Variants in ARRDC5 observed in about 807,000 individuals in gnomAD.
ARRDC5 encodes arrestin domain containing 5.
A neutral mutation model predicts 13.3 loss-of-function variants in ARRDC5; 12 were observed. That is an observed-to-expected ratio of 0.90 (90% CI 0.58 to 1.46). The LOEUF is 1.46. Ranked by LOEUF, ARRDC5 falls within the 40% of genes most tolerant of loss-of-function variation. ARRDC5 has a pLI of 0.00. For missense variants in ARRDC5, 406 were observed against 418.7 expected (o/e 0.97, Z 0.26); for synonymous variants, 181 against 173.4 (o/e 1.04, Z -0.34).
the ARRDC5 span, chr19:4,911,082 C>T: frequency 4.1e-6 from 6 of 1,465,570 alleles, no homozygotes; most frequent in Middle Eastern, 5.0e-4. Flanking sequence ...TGGTCCAGGC[C>T]TCGCGCCTCT....
Position 4,902,603 on chromosome 19 carries a change from C to G in ARRDC5, c.223G>C (p.Val75Leu). Residue 75 changes from valine (V) to leucine (L), a missense_variant, in exon 1 of 3, where the codon GTG becomes CTG. Val to Leu is a conservative substitution (Grantham distance 32). Coordinates refer to ENST00000650722, the MANE Select transcript of ARRDC5 (RefSeq NM_001080523.3). ...NVICNNKADY[V>L]HKTKTFPVED... ...ACTGGGAATGTCTTTGTCTTATGCA[C>G]GTAGTCTGCCTTGTTGTTGCAAATA... is the stretch of plus-strand genomic sequence containing the variant. 1 of 1,613,990 alleles carries G rather than the reference C, an allele frequency of 6.2e-7. No individual in the cohort carries two copies. The highest frequency in any genetic ancestry group is 2.2e-5 in the East Asian group (1 of 44,880).
rs375697054 is a variant in ARRDC5 at position 4,902,640 on chromosome 19, A to G, written c.186T>C (p.Tyr62=). The G allele has an allele frequency of 8.6e-5, 138 of 1,613,900 alleles. No individual in the cohort carries two copies. The highest frequency in any genetic ancestry group is 1.1e-4 in the Non-Finnish European group (131 of 1,179,896). Residue 62 remains tyrosine (Y), a synonymous_variant, in exon 1 of 3, where the codon TAT becomes TAC. Coordinates refer to ENST00000650722, the MANE Select transcript of ARRDC5 (RefSeq NM_001080523.3). Reference sequence around the variant, plus strand: ...TGTTGTTGCAAATAACATTTCTGCTATAATCACAGGATGCCCCGGCTTCTT... The same window carrying G: ...TGTTGTTGCAAATAACATTTCTGCTGTAATCACAGGATGCCCCGGCTTCTT... ...WSEEAGASCD[Y]SRNVICNNKA...
In ARRDC5 at chr19:4,890,782, A is replaced by G; in HGVS notation, c.*264T>C. The G allele has an allele frequency of 2.4e-6, 1 of 420,508 alleles. No homozygotes were observed. 26.0% of individuals were successfully genotyped at this position (420,508 alleles called of 1,614,324 possible). On this transcript the variant is annotated 3_prime_UTR_variant, in exon 3 of 3. Transcript: ENST00000650722. ...GGTCTTGGCACTGTGAGACCCCAGT[A>G]GGCTGGGGCAGACTCAGGGTGGAAA... is the stretch of plus-strand genomic sequence containing the variant.
intron 2 of ARRDC5, among the ~76,000 whole-genome samples, chr19:4,893,765 G>A (rs923083439): frequency 8.0e-5 from 12 of 149,784 alleles, no homozygotes; most frequent in African/African-American, 2.4e-4. Flanking sequence ...AAGGAAGGCC[G>A]GGTGCGGTGG....
the ARRDC5 span, chr19:4,910,735 T>C: frequency 4.2e-6 from 4 of 958,986 alleles, no homozygotes; most frequent in Non-Finnish European, 6.0e-6. Flanking sequence ...AGGGTCTGGC[T>C]GTACAGGAGG....
intron 1 of ARRDC5, among the ~76,000 whole-genome samples, chr19:4,899,864 G>A (rs1241949419): frequency 6.7e-6 from 1 of 150,312 alleles, no homozygotes; most frequent in Non-Finnish European, 1.5e-5. Flanking sequence ...GCGAGAACCC[G>A]GGAGGCGGAG....
intron 1 of ARRDC5, 36 bp from the exon 2 acceptor site, chr19:4,896,912 C>A: frequency 6.3e-6 from 9 of 1,422,274 alleles, no homozygotes; most frequent in Non-Finnish European, 8.8e-6. Flanking sequence ...TCAGAAGGTT[C>A]TAGAATCTTT....
At chr19:4,899,173 G>A (rs1356525125) in intron 1 of ARRDC5, among the ~76,000 whole-genome samples, 11 of 151,870 alleles carry the variant, frequency 7.2e-5, no homozygotes, top group Middle Eastern at 3.4e-3. Flanking sequence ...TTAGCTGGGC[G>A]TGGTGGCGGG....
At chr19:4,899,808 G>A (rs1219221714) in intron 1 of ARRDC5, among the ~76,000 whole-genome samples, 6 of 147,326 alleles carry the variant, frequency 4.1e-5, no homozygotes, top group Non-Finnish European at 9.0e-5. Context: ...GCGTGGTGGC[G>A]GGCACCTGTA....
the ARRDC5 span, among the ~76,000 whole-genome samples, chr19:4,913,129 C>G: frequency 2.0e-5 from 3 of 152,136 alleles, no homozygotes; most frequent in East Asian, 3.9e-4. Flanking sequence ...CCATGCAACC[C>G]AAAACCCCTA....
At chr19:4,896,375 C>CTTTT (rs2031731939) in intron 2 of ARRDC5, among the ~76,000 whole-genome samples, 1 of 117,448 alleles carries the variant, frequency 8.5e-6, no homozygotes. Flanking sequence ...CACACACACA[C>CTTTT]ACACACACAC....
chr19:4,916,485 G>A, the ARRDC5 span, among the ~76,000 whole-genome samples: 6 of 152,164 alleles, frequency 3.9e-5, no homozygotes, highest in Admixed American at 1.3e-4. Flanking sequence ...TGATCGTGGT[G>A]TCTTTGTGGC....
chr19:4,909,401 C>T, the ARRDC5 span: 1 of 646,308 alleles, frequency 1.5e-6, no homozygotes, highest in Non-Finnish European at 2.8e-6. Flanking sequence ...TCTCGCTTCC[C>T]GCCACTGCGT....
chr19:4,904,875 T>C (rs979103202), upstream of ARRDC5, among the ~76,000 whole-genome samples: 2 of 152,282 alleles, frequency 1.3e-5, no homozygotes, highest in South Asian at 2.1e-4. Flanking sequence ...GATTTGCACA[T>C]GGTCTGGTGC....
At position 4,896,401 on chromosome 19, in the gene ARRDC5, CACACAT is replaced by C. The variant is rs1358405630; in HGVS notation, c.459+264_459+269del. Among the ~76,000 whole-genome samples the C allele has an allele frequency of 9.3e-3, 915 of 98,812 alleles. 10 individuals are homozygous for C. Among genetic ancestry groups the C allele is most frequent in the African/African-American group, 0.027 (795 of 29,734 alleles). 64.8% of individuals were successfully genotyped at this position (98,812 alleles called of 152,430 possible). On this transcript the variant is annotated intron_variant, in intron 2 of 2. Transcript: ENST00000650722. Reference sequence around the variant, plus strand: ...ACACACACACACACACACACACACACACACATATATATAATTTTATTTTAGAGACAG... The same window carrying C: ...ACACACACACACACACACACACACACATATATAATTTTATTTTAGAGACAG...
intron 2 of ARRDC5, 102 bp downstream of exon 2, chr19:4,896,569 C>T: frequency 1.2e-6 from 1 of 863,020 alleles, no homozygotes; most frequent in South Asian, 1.5e-5. Context: ...ACACCCTTCC[C>T]TTCTCCCCAT....
At chr19:4,893,109 A>AAT (rs199780403) in intron 2 of ARRDC5, among the ~76,000 whole-genome samples, 38,663 of 139,436 alleles carry the variant, frequency 0.28, 6,259 homozygotes, top group Middle Eastern at 0.47. Context: ...CTCAAAAATA[A>AAT]ATATATATAT....
intron 2 of ARRDC5, among the ~76,000 whole-genome samples, chr19:4,892,519 A>T (rs2031547552): frequency 6.7e-6 from 1 of 149,244 alleles, no homozygotes; most frequent in African/African-American, 2.5e-5. Flanking sequence ...CATGTGTGCC[A>T]CCACACCCCA....
the ARRDC5 span, among the ~76,000 whole-genome samples, chr19:4,916,364 G>T: frequency 6.6e-6 from 1 of 151,792 alleles, no homozygotes; most frequent in Non-Finnish European, 1.5e-5. Context: ...AAGAAGACAA[G>T]CGCGCCCCCT....
Sources: allele counts gnomAD v4.1 joint callset (sites outside exome capture counted in the v4.1 genomes callset), GRCh38; gene constraint gnomAD v4.1.1; transcripts MANE v1.5; gene names NCBI Gene and HGNC (gene_info 2026-07-23, HGNC 2026-07-21).